Variants in MITF observed in about 807,000 individuals in gnomAD.
MITF encodes the protein microphthalmia-associated transcription factor.
A neutral mutation model predicts 60.5 loss-of-function variants in MITF; 17 were observed. The observed-to-expected ratio is 0.28, with a 90% CI of 0.19 to 0.42. MITF has a LOEUF of 0.42. MITF is among the 10% of genes least tolerant of loss of function. MITF has a pLI of 1.00. For synonymous variants in MITF, 260 were observed against 248.5 expected, an observed-to-expected ratio of 1.05 and a Z score of -0.43; for missense variants, 622 against 683.5, an observed-to-expected ratio of 0.91 and a Z score of 1.00.
intron 2 of MITF, among the ~76,000 whole-genome samples, chr3:69,892,309 C>T (rs552492043): frequency 1.3e-5 from 2 of 152,120 alleles, no homozygotes; most frequent in African/African-American, 4.8e-5. Flanking sequence ...TTTAGAGCAG[C>T]TTTAGGTTCA....
intron 1 of MITF, among the ~76,000 whole-genome samples, chr3:69,751,755 C>A (rs1353301359): frequency 1.3e-5 from 2 of 152,054 alleles, no homozygotes; most frequent in East Asian, 3.9e-4. Flanking sequence ...GCCTCTGTTT[C>A]AACAGAGGCT....
At chr3:69,953,911 T>G (rs1004658112) in intron 7 of MITF, among the ~76,000 whole-genome samples, 7 of 152,138 alleles carry the variant, frequency 4.6e-5, no homozygotes, top group Non-Finnish European at 1.0e-4. Flanking sequence ...GGGAGAGACG[T>G]GCTTGTCTCT....
intron 1 of MITF, among the ~76,000 whole-genome samples, chr3:69,877,091 A>G (rs2064371388): frequency 1.3e-5 from 2 of 152,172 alleles, no homozygotes; most frequent in Non-Finnish European, 2.9e-5. Context: ...TTTGAATCCT[A>G]CTTTTAAATT....
rs1575649045 is a variant in MITF at position 69,739,539 on chromosome 3, C to T, written c.-59C>T. On this transcript the variant is annotated 5_prime_UTR_variant, in exon 1 of 10. Transcript: ENST00000352241. ...GGGGGACCCAGGCCCAGCTACCTTC[C>T]CTCCGCCCCCGGGCTCTGTTCTCAC... 7.5e-6 allele frequency: 11 copies of T among 1,467,132 alleles called. No individual in the cohort carries two copies. Among genetic ancestry groups the T allele is most frequent in the Non-Finnish European group, 1.0e-5 (11 of 1,070,272 alleles). 90.9% of individuals were successfully genotyped at this position (1,467,132 alleles called of 1,614,324 possible).
intron 2 of MITF, among the ~76,000 whole-genome samples, chr3:69,902,523 G>T (rs370760746): frequency 6.6e-6 from 1 of 152,162 alleles, no homozygotes; most frequent in Non-Finnish European, 1.5e-5. Flanking sequence ...TGTCCAGTGG[G>T]TTTGCATGGA....
intron 2 of MITF, among the ~76,000 whole-genome samples, chr3:69,895,826 G>A (rs1054928312): frequency 6.7e-6 from 1 of 150,288 alleles, no homozygotes; most frequent in East Asian, 1.9e-4. Flanking sequence ...GTGTGTGTGT[G>A]TGTGTGTGTG....
chr3:69,945,547 T>A (rs1356491051), intron 5 of MITF, among the ~76,000 whole-genome samples: 1 of 152,232 alleles, frequency 6.6e-6, no homozygotes, highest in African/African-American at 2.4e-5. Flanking sequence ...GAATCCTTTC[T>A]TTAAAATGCA....
intron 1 of MITF, among the ~76,000 whole-genome samples, chr3:69,829,235 T>C (rs1298335829): frequency 6.6e-6 from 1 of 152,104 alleles, no homozygotes; most frequent in Non-Finnish European, 1.5e-5. Context: ...GGATTTGGAG[T>C]TAAAAAGACA....
intron 2 of MITF, among the ~76,000 whole-genome samples, chr3:69,923,637 A>G (rs1014855892): frequency 3.3e-5 from 5 of 152,118 alleles, no homozygotes; most frequent in Non-Finnish European, 7.3e-5. Flanking sequence ...TCACTTTTTA[A>G]TTCTTCTCCT....
At chr3:69,760,035 C>T (rs2062189051) in intron 1 of MITF, among the ~76,000 whole-genome samples, 1 of 152,232 alleles carries the variant, frequency 6.6e-6, no homozygotes, top group Non-Finnish European at 1.5e-5. Flanking sequence ...GCCTTGGCAT[C>T]ACAAAGTGCT....
chr3:69,930,299 A>C (rs9917633), intron 2 of MITF, among the ~76,000 whole-genome samples: 4 of 152,228 alleles, frequency 2.6e-5, no homozygotes, highest in African/African-American at 9.6e-5. Flanking sequence ...TGACATTTAG[A>C]GGGGAGAAGA....
At chr3:69,800,615 A>G (rs1394235489) in intron 1 of MITF, among the ~76,000 whole-genome samples, 1 of 151,810 alleles carries the variant, frequency 6.6e-6, no homozygotes, top group East Asian at 1.9e-4. Flanking sequence ...CTTTGCCAAC[A>G]CTTGTTATTT....
intron 1 of MITF, among the ~76,000 whole-genome samples, chr3:69,796,494 CTTT>C (rs767834091): frequency 6.1e-4 from 49 of 80,298 alleles, no homozygotes; most frequent in East Asian, 2.8e-3. Context: ...CACCGTCTTT[CTTT>C]TTTTTTTTTT....
intron 1 of MITF, among the ~76,000 whole-genome samples, chr3:69,838,224 A>T (rs2063569479): frequency 6.6e-6 from 1 of 152,194 alleles, no homozygotes; most frequent in African/African-American, 2.4e-5. Flanking sequence ...GTTTCACATT[A>T]GTTCAACATT....
chr3:69,950,216 G>A (rs1364485545), intron 6 of MITF, among the ~76,000 whole-genome samples: 1 of 151,848 alleles, frequency 6.6e-6, no homozygotes, highest in African/African-American at 2.4e-5. Context: ...GATTGCTTGA[G>A]CTCAGGAGTT....
chr3:69,904,898 T>C (rs1285502331), intron 2 of MITF, among the ~76,000 whole-genome samples: 2 of 152,146 alleles, frequency 1.3e-5, no homozygotes, highest in Admixed American at 6.6e-5. Flanking sequence ...ATGATGCATA[T>C]TGTTGGAGAT....
chr3:69,866,138 A>G, intron 1 of MITF: 1 of 1,434,480 alleles, frequency 7.0e-7, no homozygotes, highest in African/African-American at 1.4e-5. Context: ...TGTTGCAGAC[A>G]GAAACCAGGC....
chr3:69,851,513 G>A (rs1039401719), intron 1 of MITF, among the ~76,000 whole-genome samples: 2 of 152,164 alleles, frequency 1.3e-5, no homozygotes, highest in African/African-American at 4.8e-5. Flanking sequence ...GTAGCAATGT[G>A]GATGAAGGTC....
intron 1 of MITF, among the ~76,000 whole-genome samples, chr3:69,741,929 C>T (rs1703543211): frequency 1.3e-5 from 2 of 152,240 alleles, no homozygotes; most frequent in African/African-American, 2.4e-5. Context: ...AAGTCTTTGT[C>T]GGAAAAAGTT....
Sources: gnomAD v4.1 joint callset for allele counts (sites outside exome capture counted in the v4.1 genomes callset) on GRCh38, gnomAD v4.1.1 for gene constraint, MANE v1.5 for transcripts, NCBI Gene and HGNC (gene_info 2026-07-23, HGNC 2026-07-21) for gene names.